PDE4D: variants seen among roughly 807,000 people sequenced by gnomAD.
The protein encoded by PDE4D is phosphodiesterase 4D.
In PDE4D, 24 loss-of-function variants were observed where a neutral mutation model predicts 87.4. That is an observed-to-expected ratio of 0.27 (90% CI 0.20 to 0.39). PDE4D has a LOEUF of 0.39. PDE4D is among the 10% of genes least tolerant of loss of function. The pLI, the probability that PDE4D is intolerant of heterozygous loss-of-function variation, is 1.00. For missense variants in PDE4D, 714 were observed against 1,041.0 expected (o/e 0.69, Z 4.32); for synonymous variants, 384 against 383.2 (o/e 1.00, Z -0.02).
At chr5:59,142,480 T>G (rs1778031845) in intron 5 of PDE4D, among the ~76,000 whole-genome samples, 1 of 152,232 alleles carries the variant, frequency 6.6e-6, no homozygotes, top group African/African-American at 2.4e-5. Flanking sequence ...TCAAAGTCCC[T>G]TATACAGTTT....
chr5:59,306,352 G>C (rs1461096037), intron 1 of PDE4D, among the ~76,000 whole-genome samples: 1 of 152,128 alleles, frequency 6.6e-6, no homozygotes, highest in African/African-American at 2.4e-5. Flanking sequence ...CTGCAGTTCT[G>C]CATCTTTTAA....
chr5:59,176,196 T>G (rs1783859959), intron 5 of PDE4D, among the ~76,000 whole-genome samples: 1 of 152,124 alleles, frequency 6.6e-6, no homozygotes, highest in Non-Finnish European at 1.5e-5. Flanking sequence ...CTACTATATA[T>G]TGAAATAAAA....
chr5:59,609,026 G>A (rs1370012328), intron 1 of PDE4D, among the ~76,000 whole-genome samples: 1 of 152,132 alleles, frequency 6.6e-6, no homozygotes, highest in Non-Finnish European at 1.5e-5. Flanking sequence ...AAGCAGCTGA[G>A]CCTTGAGATG....
chr5:59,562,914 C>A (rs1820275707), intron 1 of PDE4D, among the ~76,000 whole-genome samples: 2 of 152,108 alleles, frequency 1.3e-5, no homozygotes, highest in Admixed American at 6.5e-5. Context: ...ATATTTTACA[C>A]CTGGCTTAAC....
intron 2 of PDE4D, among the ~76,000 whole-genome samples, chr5:60,084,323 G>T (rs151265959): frequency 6.6e-6 from 1 of 152,260 alleles, no homozygotes; most frequent in East Asian, 1.9e-4. Context: ...ATAAGCTTGA[G>T]GAATTCTCCC....
chr5:60,007,937 G>A (rs1705429356), intron 2 of PDE4D, among the ~76,000 whole-genome samples: 1 of 151,834 alleles, frequency 6.6e-6, no homozygotes, highest in Non-Finnish European at 1.5e-5. Flanking sequence ...TTCACCACTC[G>A]CAACCTGTTT....
intron 1 of PDE4D, among the ~76,000 whole-genome samples, chr5:59,426,075 C>T (rs545201378): frequency 6.6e-6 from 1 of 152,178 alleles, no homozygotes; most frequent in South Asian, 2.1e-4. Context: ...ACAGAGATCC[C>T]AGCGATGCCT....
At chr5:59,270,753 T>C (rs188873624) in intron 1 of PDE4D, among the ~76,000 whole-genome samples, 340 of 152,250 alleles carry the variant, frequency 2.2e-3, no homozygotes, top group African/African-American at 7.9e-3. Flanking sequence ...ACATGAACAC[T>C]TTTATGGCCA....
intron 1 of PDE4D, among the ~76,000 whole-genome samples, chr5:60,500,506 T>C (rs946158313): frequency 2.0e-5 from 3 of 152,168 alleles, no homozygotes; most frequent in African/African-American, 7.2e-5. Context: ...ACTTGGTAAA[T>C]AGATGTTAAG....
intron 5 of PDE4D, among the ~76,000 whole-genome samples, chr5:59,161,510 C>T (rs890583297): frequency 2.0e-5 from 3 of 152,136 alleles, no homozygotes; most frequent in Non-Finnish European, 4.4e-5. Flanking sequence ...GATGAAGCCT[C>T]CAGGTAGCAG....
chr5:59,359,108 G>A (rs1015885515), intron 1 of PDE4D, among the ~76,000 whole-genome samples: 2 of 152,142 alleles, frequency 1.3e-5, no homozygotes, highest in Non-Finnish European at 2.9e-5. Flanking sequence ...AAGGACATAC[G>A]AATAATCTAG....
At chr5:59,271,616 G>A (rs938115435) in intron 1 of PDE4D, among the ~76,000 whole-genome samples, 20 of 152,004 alleles carry the variant, frequency 1.3e-4, no homozygotes, top group African/African-American at 4.8e-4. Context: ...AACCTTAAGA[G>A]AAAAGAGCTA....
chr5:59,950,829 C>A (rs2152804306), intron 3 of PDE4D, among the ~76,000 whole-genome samples: 1 of 152,028 alleles, frequency 6.6e-6, no homozygotes, highest in South Asian at 2.1e-4. Flanking sequence ...TAATTTAAAG[C>A]TTAAATAGGT....
intron 1 of PDE4D, among the ~76,000 whole-genome samples, chr5:59,311,174 C>T (rs1772506289): frequency 6.6e-6 from 1 of 151,938 alleles, no homozygotes; most frequent in African/African-American, 2.4e-5. Flanking sequence ...TCCAGAACTC[C>T]AGGATGAATG....
chr5:59,347,963 T>A (rs958353954), intron 1 of PDE4D, among the ~76,000 whole-genome samples: 29 of 152,106 alleles, frequency 1.9e-4, no homozygotes, highest in African/African-American at 6.8e-4. Flanking sequence ...TTCCCTGGCT[T>A]CCCCAAGCAG....
intron 2 of PDE4D, chr5:60,022,653 G>C (rs1766193492): frequency 6.6e-6 from 1 of 152,194 alleles, no homozygotes. Flanking sequence ...CCAGGCTCCA[G>C]ATACAGCTGC....
chr5:59,846,285 T>C (rs1454697159), intron 1 of PDE4D, among the ~76,000 whole-genome samples: 2 of 152,112 alleles, frequency 1.3e-5, no homozygotes, highest in African/African-American at 4.8e-5. Context: ...GCTGGACTGA[T>C]GAGTTAGAAT....
At chr5:60,344,619 T>C (rs1417590403) in intron 1 of PDE4D, among the ~76,000 whole-genome samples, 3 of 152,124 alleles carry the variant, frequency 2.0e-5, no homozygotes, top group Non-Finnish European at 4.4e-5. Flanking sequence ...ATTGTTCAAA[T>C]TTTCACCAAC....
chr5:58,999,855 G>A lies in PDE4D; in HGVS notation c.922-6390C>T, dbSNP rs557961345. 4.0e-6 allele frequency: 4 copies of A among 987,838 alleles called. No individual in the cohort carries two copies. In the East Asian group the frequency reaches 3.3e-4, roughly 81 times the overall value. 61.2% of individuals were successfully genotyped at this position (987,838 alleles called of 1,614,324 possible). On this transcript the variant is annotated intron_variant, in intron 6 of 14. Coordinates refer to ENST00000340635, the MANE Select transcript of PDE4D (RefSeq NM_001104631.2). Reference sequence around the variant, plus strand: ...TGCATCTTTCTCTCCCGAGCTCCAGGGCTTAATGAATAATGTATGTCAAGA... The same window carrying A: ...TGCATCTTTCTCTCCCGAGCTCCAGAGCTTAATGAATAATGTATGTCAAGA...
Sources: gnomAD v4.1 joint callset for allele counts (sites outside exome capture counted in the v4.1 genomes callset) on GRCh38, gnomAD v4.1.1 for gene constraint, MANE v1.5 for transcripts, NCBI Gene and HGNC (gene_info 2026-07-23, HGNC 2026-07-21) for gene names.